Variants in PDE4D observed in about 807,000 individuals in gnomAD.
PDE4D encodes the protein 3',5'-cyclic-AMP phosphodiesterase 4D.
Under a neutral mutation model 87.4 loss-of-function variants are expected in PDE4D, and 24 were observed. The observed-to-expected ratio is 0.27, with a 90% confidence interval of 0.20 to 0.39. The LOEUF is 0.39. Ranked by LOEUF, PDE4D falls within the 10% of genes least tolerant of loss-of-function variation. The pLI is 1.00. For missense variants in PDE4D, 714 were observed against 1,041.0 expected (o/e 0.69, Z 4.32); for synonymous variants, 384 against 383.2 (o/e 1.00, Z -0.02).
At chr5:59,407,349 C>T (rs1323242351) in intron 1 of PDE4D, among the ~76,000 whole-genome samples, 1 of 152,166 alleles carries the variant, frequency 6.6e-6, no homozygotes, top group Admixed American at 6.5e-5. Flanking sequence ...TGGCATTATG[C>T]TTGTACAGCC....
intron 2 of PDE4D, among the ~76,000 whole-genome samples, chr5:60,129,941 T>C (rs934065320): frequency 9.2e-5 from 14 of 152,270 alleles, no homozygotes; most frequent in African/African-American, 3.1e-4. Context: ...AATGTGATGA[T>C]ATTAGAAGGT....
Position 60,194,279 on chromosome 5 carries a change from C to A in PDE4D, c.-89-8592G>T, listed in dbSNP as rs1740952682. Among the ~76,000 whole-genome samples, 2 of 151,656 alleles carry A rather than the reference C, an allele frequency of 1.3e-5. 1 individual carries two copies. Among genetic ancestry groups the A allele is most frequent in the Non-Finnish European group, 3.0e-5 (2 of 67,780 alleles). On this transcript the variant is annotated intron_variant, in intron 1 of 16. Coordinates refer to the PDE4D transcript ENST00000502484. ...TAGACCTCCATATCACAAAATCTAA[C>A]AAACTTTTCACAAATTATCTGACTA...
Position 60,069,747 on chromosome 5 carries a change from C to A in PDE4D, c.43-81030G>T, listed in dbSNP as rs150248997. ...GACATTGAGATTTGGATAGGGATTGCATTGAATCTGTAGATTTCTTTTGGT... is the reference window on the plus strand; with the variant it reads ...GACATTGAGATTTGGATAGGGATTGAATTGAATCTGTAGATTTCTTTTGGT... On this transcript the variant is annotated intron_variant, in intron 2 of 16. Transcript: ENST00000502484. 4.9e-3 allele frequency among the ~76,000 whole-genome samples: 737 copies of A among 151,934 alleles called. 8 individuals are homozygous for A. The highest frequency in any genetic ancestry group is 0.017 in the African/African-American group (696 of 41,440).
chr5:60,341,363 C>CGGT (rs1478149689), intron 1 of PDE4D, among the ~76,000 whole-genome samples: 5 of 152,174 alleles, frequency 3.3e-5, no homozygotes, highest in Non-Finnish European at 5.9e-5. Flanking sequence ...ATCCATGCCA[C>CGGT]GGTGACTGTG....
At chr5:60,136,677 C>T (rs534416437) in intron 2 of PDE4D, among the ~76,000 whole-genome samples, 60 of 152,186 alleles carry the variant, frequency 3.9e-4, no homozygotes, top group African/African-American at 1.3e-3. Flanking sequence ...TATTAGGTAT[C>T]CACCCAATAT....
intron 2 of PDE4D, among the ~76,000 whole-genome samples, chr5:59,998,177 T>G (rs138662734): frequency 1.3e-3 from 203 of 152,310 alleles, no homozygotes; most frequent in African/African-American, 4.7e-3. Flanking sequence ...TCAATGTTCA[T>G]AGTTTTAGCC....
intron 1 of PDE4D, among the ~76,000 whole-genome samples, chr5:59,409,243 T>C (rs1006713675): frequency 2.0e-5 from 3 of 152,138 alleles, no homozygotes; most frequent in African/African-American, 7.2e-5. Flanking sequence ...TTTTACAGGC[T>C]CATAAGTGGG....
At chr5:59,774,747 G>A (rs927340483) in intron 1 of PDE4D, among the ~76,000 whole-genome samples, 2 of 149,404 alleles carry the variant, frequency 1.3e-5, no homozygotes, top group African/African-American at 2.5e-5. Flanking sequence ...GAGTGCAGTG[G>A]TGCCATCTCA....
intron 1 of PDE4D, among the ~76,000 whole-genome samples, chr5:59,370,341 C>CT (rs1306212874): frequency 6.6e-6 from 1 of 152,120 alleles, no homozygotes; most frequent in African/African-American, 2.4e-5. Context: ...TTATGGCCTC[C>CT]TTTTCTATTC....
intron 1 of PDE4D, among the ~76,000 whole-genome samples, chr5:59,467,293 T>A (rs1400921604): frequency 2.0e-5 from 3 of 152,132 alleles, no homozygotes; most frequent in Admixed American, 6.5e-5. Context: ...AATAAACCAG[T>A]CTGTGTTCAA....
intron 1 of PDE4D, among the ~76,000 whole-genome samples, chr5:59,266,888 T>A (rs1216710138): frequency 2.0e-5 from 3 of 152,186 alleles, no homozygotes; most frequent in Middle Eastern, 3.4e-3. Context: ...TGGGATGTAG[T>A]TTCGACAGAC....
intron 1 of PDE4D, among the ~76,000 whole-genome samples, chr5:59,654,450 T>C (rs1374491890): frequency 2.0e-5 from 3 of 152,176 alleles, no homozygotes; most frequent in South Asian, 2.1e-4. Flanking sequence ...GTTAGCACAA[T>C]TGCCTCCCAT....
chr5:59,582,101 G>A (rs1824260084), intron 1 of PDE4D, among the ~76,000 whole-genome samples: 1 of 152,088 alleles, frequency 6.6e-6, no homozygotes, highest in Admixed American at 6.6e-5. Flanking sequence ...AGAATTTCTG[G>A]GTTGTTCTGT....
At chr5:60,341,629 C>T (rs1583471494) in intron 1 of PDE4D, among the ~76,000 whole-genome samples, 1 of 151,810 alleles carries the variant, frequency 6.6e-6, no homozygotes, top group South Asian at 2.1e-4. Flanking sequence ...TACTTACTAC[C>T]TTGTTAATAC....
At chr5:59,041,713 TCCCAGTAGCTAAGTAAACTGC>T (rs1759719322) in intron 5 of PDE4D, among the ~76,000 whole-genome samples, 1 of 152,208 alleles carries the variant, frequency 6.6e-6, no homozygotes, top group Non-Finnish European at 1.5e-5. Context: ...TCAAGTGATT[TCCCAGTAGCTAAGTAAACTGC>T]CCCCTTCCTC....
chr5:60,328,584 T>G (rs1757018530), intron 1 of PDE4D, among the ~76,000 whole-genome samples: 1 of 152,236 alleles, frequency 6.6e-6, no homozygotes, highest in South Asian at 2.1e-4. Flanking sequence ...AAACTTGGAC[T>G]GTTTTCCATT....
At chr5:59,580,542 T>C (rs1191865004) in intron 1 of PDE4D, among the ~76,000 whole-genome samples, 1 of 152,054 alleles carries the variant, frequency 6.6e-6, no homozygotes, top group Non-Finnish European at 1.5e-5. Flanking sequence ...TCATGGCTTA[T>C]CGTAGCCTCA....
chr5:60,158,663 C>CGCCAT (rs1232115723), intron 2 of PDE4D, among the ~76,000 whole-genome samples: 1 of 152,142 alleles, frequency 6.6e-6, no homozygotes, highest in Non-Finnish European at 1.5e-5. Context: ...CCTGGGTTCA[C>CGCCAT]GCCATTCTCC....
At chr5:59,834,227 C>T (rs1325690562) in intron 1 of PDE4D, among the ~76,000 whole-genome samples, 1 of 151,996 alleles carries the variant, frequency 6.6e-6, no homozygotes. Flanking sequence ...TATTGAACAC[C>T]TATTGTACTT....
Sources: gnomAD v4.1 joint callset for allele counts (sites outside exome capture counted in the v4.1 genomes callset) on GRCh38, gnomAD v4.1.1 for gene constraint, MANE v1.5 for transcripts, NCBI Gene and HGNC (gene_info 2026-07-23, HGNC 2026-07-21) for gene names.